The following MICAL3 variants were observed in gnomAD, a reference collection of about 807,000 sequenced individuals.
MICAL3 encodes the protein [F-actin]-monooxygenase MICAL3.
A neutral mutation model predicts 207.4 loss-of-function variants in MICAL3; 62 were observed. That is an observed-to-expected ratio of 0.30 (90% CI 0.24 to 0.37). The LOEUF is 0.37. Ranked by LOEUF, MICAL3 falls within the 10% of genes least tolerant of loss-of-function variation. The pLI, the probability that MICAL3 is intolerant of heterozygous loss-of-function variation, is 1.00. For synonymous variants in MICAL3, 1,077 were observed against 1,069.3 expected (o/e 1.01, Z -0.14); for missense variants, 2,368 against 2,635.6 (o/e 0.90, Z 2.22).
chr22:17,992,037 C>T (rs767246698), intron 1 of MICAL3, among the ~76,000 whole-genome samples: 2 of 152,186 alleles, frequency 1.3e-5, no homozygotes, highest in Non-Finnish European at 2.9e-5. Flanking sequence ...TCCCACCCAC[C>T]GTTGCTAGAG....
intron 1 of MICAL3, among the ~76,000 whole-genome samples, chr22:18,012,823 C>T (rs1923833350): frequency 1.3e-5 from 2 of 152,208 alleles, no homozygotes; most frequent in Non-Finnish European, 2.9e-5. Flanking sequence ...ATTTATGGAG[C>T]CACTCCCTTG....
rs767684552 is a variant in MICAL3, at chr22:17,817,426, G to A, written c.5235C>T (p.Ser1745=). 1.5e-5 allele frequency: 25 copies of A among 1,613,476 alleles called. 1 individual carries two copies. Among genetic ancestry groups the A allele is most frequent in the Admixed American group, 5.0e-5 (3 of 59,996 alleles). The change falls in exon 26 of 32, where the codon TCC becomes TCT. Residue 1745 remains serine (S), a synonymous_variant. Coordinates refer to ENST00000441493, the MANE Select transcript of MICAL3 (RefSeq NM_015241.3). The stretch of plus-strand genomic sequence containing the variant: ...TCTTCTTCTTGTCCTTCTTGTACCC[G>A]GAGAAGACGGACTTCCACAGGGACT... ...KPKSLWKSVF[S]GYKKDKKKKA...
chr22:17,869,119 G>A (rs1314405756), intron 17 of MICAL3, among the ~76,000 whole-genome samples: 1 of 152,166 alleles, frequency 6.6e-6, no homozygotes, highest in Non-Finnish European at 1.5e-5. Context: ...CATGCTTATG[G>A]GATGGAAAGA....
chr22:17,790,849 C>T lies in MICAL3; in HGVS notation c.5892G>A (p.Val1964=). 6.2e-7 allele frequency: 1 copy of T among 1,613,872 alleles called. No individual in the cohort carries two copies. The highest frequency in any genetic ancestry group is 1.3e-5 in the African/African-American group (1 of 75,052). Residue 1964 remains valine (V), a synonymous_variant, in exon 32 of 32, where the codon GTG becomes GTA. Transcript: ENST00000441493. The stretch of plus-strand genomic sequence containing the variant: ...GCGCCACCAGTGAGTCTCTCTGCTC[C>T]ACCACCTCCAGCATCTCATTGAGAA... The part of the protein sequence containing the change: ...KQILNEMLEV[V]EQRDSLVALL...
At chr22:17,897,029 C>T (rs893985527) in intron 7 of MICAL3, 48 bp from the exon 8 acceptor site, 2 of 1,555,050 alleles carry the variant, frequency 1.3e-6, no homozygotes, top group Admixed American at 1.9e-5. Context: ...CTCTGGCACT[C>T]AGCCAGAACC....
At chr22:18,007,044 C>G (rs1923433239) in intron 1 of MICAL3, 1 of 133,346 alleles carries the variant, frequency 7.5e-6, no homozygotes, top group Admixed American at 8.0e-5. Context: ...TTAGTAAAGA[C>G]AGGGTTTCAC....
chr22:17,813,956 T>TA lies in MICAL3; in HGVS notation c.5445+2733dup, dbSNP rs2062075687. 2.0e-5 allele frequency: 3 copies of TA among 152,376 alleles called. No homozygotes were observed. In the South Asian group the frequency reaches 6.2e-4, roughly 32 times the overall value. 9.4% of individuals were successfully genotyped at this position (152,376 alleles called of 1,614,324 possible). ...GTAGGTCGGGCTACAGGTGACTTTTTAAAAGTCTGAATTATCCTAAATTTT... is the reference window on the plus strand; with the variant it reads ...GTAGGTCGGGCTACAGGTGACTTTTTAAAAAGTCTGAATTATCCTAAATTTT... On this transcript the variant is annotated intron_variant, in intron 27 of 31. Coordinates refer to ENST00000441493, the MANE Select transcript of MICAL3 (RefSeq NM_015241.3).
At position 17,796,185 on chromosome 22, in the gene MICAL3, C is replaced by T. The variant is rs1335776539; in HGVS notation, c.5651-4884G>A. On this transcript the variant is annotated intron_variant, in intron 29 of 31. Transcript: ENST00000441493. The surrounding 1 kb of genome is among the most constrained non-coding windows in gnomAD (Gnocchi z 4.4). ...GAGGACCCCTCCTCCCTGGAGCACTCTGCTGCGTCTCCAACACTCGGGGGC... is the reference window on the plus strand; with the variant it reads ...GAGGACCCCTCCTCCCTGGAGCACTTTGCTGCGTCTCCAACACTCGGGGGC... 6.6e-6 allele frequency among the ~76,000 whole-genome samples: 1 copy of T among 152,228 alleles called. No homozygotes were observed. The highest frequency in any genetic ancestry group is 1.5e-5 in the Non-Finnish European group (1 of 68,052).
chr22:17,819,141 G>A lies in MICAL3; in HGVS notation c.3532-12C>T. ...GGGAGTTGGGGCCCCTACAGGGAAG[G>A]AAGACAGAAGCCGCTGAGAAGGTGT... On this transcript the variant is annotated splice_polypyrimidine_tract_variant and intron_variant, in intron 25 of 31. Transcript: ENST00000441493. The A allele has an allele frequency of 1.4e-6, 2 of 1,461,088 alleles. No individual in the cohort carries two copies. The highest frequency in any genetic ancestry group is 1.8e-6 in the Non-Finnish European group (2 of 1,103,068). 90.5% of individuals were successfully genotyped at this position (1,461,088 alleles called of 1,614,324 possible). A position where few individuals can be genotyped will look rare whatever the true frequency, so the allele number is the denominator to read the frequency against.
intron 16 of MICAL3, among the ~76,000 whole-genome samples, 161 bp from the exon 17 acceptor site, chr22:17,872,184 CCA>C (rs1927789496): frequency 6.6e-6 from 1 of 152,232 alleles, no homozygotes; most frequent in South Asian, 2.1e-4. Context: ...CTTGGCTCTG[CCA>C]CAGAGTGACG....
At chr22:17,886,351 A>T (rs184620406) in intron 15 of MICAL3, among the ~76,000 whole-genome samples, 13 of 152,360 alleles carry the variant, frequency 8.5e-5, no homozygotes, top group Non-Finnish European at 1.8e-4. Flanking sequence ...TGGAAAATTA[A>T]ACAAAGGCAA....
intron 1 of MICAL3, among the ~76,000 whole-genome samples, chr22:17,976,204 G>C (rs150576720): frequency 5.8e-4 from 89 of 152,298 alleles, no homozygotes; most frequent in African/African-American, 2.0e-3. Context: ...GATCAGGGTA[G>C]AAGACAGTTT....
At chr22:17,924,319 G>A (rs535805680) in intron 1 of MICAL3, among the ~76,000 whole-genome samples, 4 of 152,262 alleles carry the variant, frequency 2.6e-5, no homozygotes, top group African/African-American at 9.6e-5. Context: ...ACAGCCAGCG[G>A]ATCAGGCACA....
Position 17,908,338 on chromosome 22 carries a change from C to T in MICAL3, c.-74-1452G>A, listed in dbSNP as rs546463520. Among the ~76,000 whole-genome samples the T allele has an allele frequency of 5.9e-5, 9 of 152,084 alleles. No homozygotes were observed. In the East Asian group the frequency reaches 1.2e-3, roughly 20 times the overall value. On this transcript the variant is annotated intron_variant, in intron 1 of 31. Transcript: ENST00000441493. ...TTTTCTTTTTTTTGAGATGGAGTCT[C>T]GCTTTGTTGCCCAGGCTGGAATACA...
At chr22:17,997,843 A>G (rs1922466226) in intron 1 of MICAL3, among the ~76,000 whole-genome samples, 1 of 152,192 alleles carries the variant, frequency 6.6e-6, no homozygotes, top group South Asian at 2.1e-4. Context: ...TCCTGCAGAT[A>G]AACACTCAAT....
chr22:17,974,188 G>A (rs1935535449), intron 1 of MICAL3, among the ~76,000 whole-genome samples: 1 of 152,136 alleles, frequency 6.6e-6, no homozygotes, highest in Non-Finnish European at 1.5e-5. Context: ...AGCTCCCTAG[G>A]GCTTTGTGAG....
chr22:17,875,658 C>T (rs892854026), intron 16 of MICAL3: 5 of 448,246 alleles, frequency 1.1e-5, no homozygotes, highest in Non-Finnish European at 1.9e-5. Context: ...TTACTCTAGA[C>T]CTTTATCTAA....
rs2061800590 is a variant in MICAL3, at chr22:17,787,993, C to T, written c.*2739G>A. On this transcript the variant is annotated 3_prime_UTR_variant, in exon 32 of 32. Coordinates refer to ENST00000441493, the MANE Select transcript of MICAL3 (RefSeq NM_015241.3). Reference sequence around the variant, plus strand: ...TAGTCAGCCTTGAGTCTGGGCTGCTCCCGCACCTGGTGTTTTATGCGTGTG... The same window carrying T: ...TAGTCAGCCTTGAGTCTGGGCTGCTTCCGCACCTGGTGTTTTATGCGTGTG... 1 of 152,232 alleles carries T rather than the reference C, an allele frequency of 6.6e-6. No individual in the cohort carries two copies. The allele number at this position is 152,232 out of a possible 1,614,324, so 9.4% of individuals were successfully genotyped here.
chr22:17,891,582 C>T lies in MICAL3; in HGVS notation c.1597G>A (p.Asp533Asn), dbSNP rs768725531. The change falls in exon 12 of 32, where the codon GAT becomes AAT. Residue 533 changes from aspartate (D) to asparagine (N), a missense_variant. Asp to Asn is a conservative substitution (Grantham distance 23). Around this residue, in one of 4 missense-constraint regions of MICAL3, gnomAD observed 147 missense variants for 137.7 expected, o/e 1.07. Transcript: ENST00000441493. ...KLLGWCQRQT[D>N]GYAGVNVTDL... Reference sequence around the variant, plus strand: ...GTCACGTTTACCCCTGCATAGCCATCTGTCTGCCTCTGGCACCAACCCAGC... The same window carrying T: ...GTCACGTTTACCCCTGCATAGCCATTTGTCTGCCTCTGGCACCAACCCAGC... 5 of 1,614,004 alleles carry T rather than the reference C, an allele frequency of 3.1e-6. No homozygotes were observed. In the South Asian group the frequency reaches 5.5e-5, roughly 18 times the overall value.
Sources: gnomAD v4.1 joint callset for allele counts (sites outside exome capture counted in the v4.1 genomes callset) on GRCh38, gnomAD v4.1.1 for gene constraint, gnomAD v4.1.1 regional missense constraint, Gnocchi (gnomAD v3.1) non-coding constraint, MANE v1.5 for transcripts, NCBI Gene and HGNC (gene_info 2026-07-23, HGNC 2026-07-21) for gene names.